The following ANKRD30B variants were observed in gnomAD, a reference collection of about 807,000 sequenced individuals.
The protein encoded by ANKRD30B is ankyrin repeat domain 30B.
ANKRD30B carries 144 observed loss-of-function variants against 202.2 expected under a neutral mutation model. That is an observed-to-expected ratio of 0.71 (90% CI 0.62 to 0.82). The LOEUF (loss-of-function observed/expected upper bound fraction) is 0.82. ANKRD30B is among the 40% of genes least tolerant of loss of function. The probability of loss-of-function intolerance (pLI) is 0.00; values close to 1 mark genes in which losing one functional copy is unlikely to be tolerated. For synonymous variants in ANKRD30B, 508 were observed against 561.3 expected, an observed-to-expected ratio of 0.91 and a Z score of 1.34; for missense variants, 1,487 against 1,669.1, an observed-to-expected ratio of 0.89 and a Z score of 1.90.
rs1912789230 is a variant in ANKRD30B, at chr18:14,748,278, G to A, written c.-142G>A. Reference sequence around the variant, plus strand: ...ATACAGAAATTTCTGCTGGTGTTGGGGCGGGTGCGGGAACTGAAGACGGGC... The same window carrying A: ...ATACAGAAATTTCTGCTGGTGTTGGAGCGGGTGCGGGAACTGAAGACGGGC... On this transcript the variant is annotated 5_prime_UTR_variant, in exon 1 of 44. Transcript: ENST00000690538. 1.6e-6 allele frequency: 1 copy of A among 613,590 alleles called. No individual in the cohort carries two copies. The highest frequency in any genetic ancestry group is 2.9e-5 in the East Asian group (1 of 34,190). 38.0% of individuals were successfully genotyped at this position (613,590 alleles called of 1,614,324 possible).
the ANKRD30B span, among the ~76,000 whole-genome samples, chr18:14,904,130 G>A: frequency 6.6e-6 from 1 of 152,168 alleles, no homozygotes; most frequent in Non-Finnish European, 1.5e-5. Context: ...TGGGCCATGG[G>A]GCATTGACCT....
At position 14,810,015 on chromosome 18, in the gene ANKRD30B, G is replaced by T. The variant is rs1427307103; in HGVS notation, c.2415+1G>T. On this transcript the variant is annotated splice_donor_variant, in intron 27 of 43. Coordinates refer to ENST00000690538, the MANE Select transcript of ANKRD30B (RefSeq NM_001367607.2). LOFTEE classifies it high-confidence loss of function. The stretch of plus-strand genomic sequence containing the variant: ...TCCTGATAAAGATGGTCTTCTGAAG[G>T]TAATAACTTTTATATTTTTATCTTG... The T allele has an allele frequency of 6.3e-6, 9 of 1,427,328 alleles. No homozygotes were observed. Among genetic ancestry groups the T allele is most frequent in the Middle Eastern group, 3.6e-4 (2 of 5,518 alleles). The allele number at this position is 1,427,328 out of a possible 1,614,324, so 88.4% of individuals were successfully genotyped here. A position where few individuals can be genotyped will look rare whatever the true frequency, so the allele number is the denominator to read the frequency against.
intron 9 of ANKRD30B, among the ~76,000 whole-genome samples, chr18:14,773,899 C>T (rs2143812290): frequency 6.6e-6 from 1 of 152,232 alleles, no homozygotes. Flanking sequence ...CATGATCCGC[C>T]CGCCTTGGCC....
the ANKRD30B span, among the ~76,000 whole-genome samples, chr18:14,883,369 GTCTCTCTCTCTCTC>G: frequency 1.2e-5 from 1 of 84,656 alleles, no homozygotes. Flanking sequence ...CTGTCTGTCT[GTCTCTCTCTCTCTC>G]TCTCTCTCTC....
intron 16 of ANKRD30B, among the ~76,000 whole-genome samples, chr18:14,793,285 C>T (rs1158740411): frequency 5.3e-5 from 8 of 151,990 alleles, no homozygotes; most frequent in Non-Finnish European, 1.0e-4. Flanking sequence ...AACTCTCATC[C>T]GAACTGTGTA....
At chr18:14,934,317 G>A in the ANKRD30B span, among the ~76,000 whole-genome samples, 3 of 152,346 alleles carry the variant, frequency 2.0e-5, no homozygotes, top group South Asian at 2.1e-4. Context: ...AGGCAGGCCC[G>A]AGGGGAGCTG....
the ANKRD30B span, among the ~76,000 whole-genome samples, chr18:14,865,795 G>T: frequency 6.6e-6 from 1 of 152,170 alleles, no homozygotes; most frequent in East Asian, 1.9e-4. Flanking sequence ...ACTGCAGGGA[G>T]GCCAGCCATG....
chr18:14,913,096 C>A, the ANKRD30B span, among the ~76,000 whole-genome samples: 1 of 152,270 alleles, frequency 6.6e-6, no homozygotes, highest in Non-Finnish European at 1.5e-5. Context: ...GGCCACATTG[C>A]AGGCTCTTTT....
At position 14,850,137 on chromosome 18, in the gene ANKRD30B, T is replaced by C. The variant is rs1378081980; in HGVS notation, c.3396-77T>C. 17 of 1,022,300 alleles carry C rather than the reference T, an allele frequency of 1.7e-5. No individual in the cohort carries two copies. The Admixed American group carries it at 4.8e-4, about 29-fold the overall frequency. The allele number at this position is 1,022,300 out of a possible 1,614,324, so 63.3% of individuals were successfully genotyped here. ...GAATTTTATTGGAATAATAAACCAG[T>C]ATAGGAAGAAGTAGATCTCAAAGTG... On this transcript the variant is annotated intron_variant, in intron 40 of 43. Transcript: ENST00000690538.
At chr18:14,904,538 T>A in the ANKRD30B span, among the ~76,000 whole-genome samples, 2 of 152,104 alleles carry the variant, frequency 1.3e-5, no homozygotes, top group Non-Finnish European at 2.9e-5. Context: ...TCTTTTTCTA[T>A]TCCTCAACTC....
chr18:14,871,198 T>A, the ANKRD30B span, among the ~76,000 whole-genome samples: 1 of 28,584 alleles, frequency 3.5e-5, no homozygotes, highest in Non-Finnish European at 7.6e-5. Context: ...CACCCTCACC[T>A]GCCTGGTCCT....
chr18:14,826,050 T>TA (rs1970644011), intron 32 of ANKRD30B, among the ~76,000 whole-genome samples: 1 of 151,982 alleles, frequency 6.6e-6, no homozygotes, highest in Non-Finnish European at 1.5e-5. Context: ...TTTCAGTAGG[T>TA]AATTGGTTTA....
rs1567985247 is a variant in ANKRD30B at position 14,762,706 on chromosome 18, A to C, written c.821-980A>C. ...TAACTCTAAACACAAAAAATTATAA[A>C]AAAATTACAAAAACTTTTCACAATA... On this transcript the variant is annotated intron_variant, in intron 6 of 43. Coordinates refer to ENST00000690538, the MANE Select transcript of ANKRD30B (RefSeq NM_001367607.2). 2.6e-5 allele frequency among the ~76,000 whole-genome samples: 4 copies of C among 151,918 alleles called. No individual in the cohort carries two copies. The South Asian group carries it at 6.2e-4, about 24-fold the overall frequency.
chr18:14,806,214 C>T lies in ANKRD30B; in HGVS notation c.2285-2337C>T, dbSNP rs865984164. On this transcript the variant is annotated intron_variant, in intron 24 of 43. Coordinates refer to ENST00000690538, the MANE Select transcript of ANKRD30B (RefSeq NM_001367607.2). ...CAGCCTGGGTGACAGGGCGAGACACCGCCAAAAAAAAAAAAGAAAAAAAAA... is the reference window on the plus strand; with the variant it reads ...CAGCCTGGGTGACAGGGCGAGACACTGCCAAAAAAAAAAAAGAAAAAAAAA... Among the ~76,000 whole-genome samples, 10 of 117,640 alleles carry T rather than the reference C, an allele frequency of 8.5e-5. 1 individual carries two copies. The highest frequency in any genetic ancestry group is 1.6e-4 in the Non-Finnish European group (9 of 55,328). 77.2% of individuals were successfully genotyped at this position (117,640 alleles called of 152,430 possible). A position where few individuals can be genotyped will look rare whatever the true frequency, so the allele number is the denominator to read the frequency against.
the ANKRD30B span, among the ~76,000 whole-genome samples, chr18:14,864,470 C>T: frequency 6.6e-6 from 1 of 151,898 alleles, no homozygotes; most frequent in African/African-American, 2.4e-5. Context: ...GTCTTTGGCT[C>T]CCTCTCTCAC....
At position 14,807,639 on chromosome 18, in the gene ANKRD30B, C is replaced by G. The variant is rs1969603692; in HGVS notation, c.2285-912C>G. ...CTGGGCCTCCTGGGTTCAAGTGATT[C>G]TCACAGCTCCGGCTCCCAAGTAGCT... On this transcript the variant is annotated intron_variant, in intron 24 of 43. Coordinates refer to ENST00000690538, the MANE Select transcript of ANKRD30B (RefSeq NM_001367607.2). 1.3e-5 allele frequency among the ~76,000 whole-genome samples: 2 copies of G among 148,804 alleles called. 1 individual carries two copies. The highest frequency in any genetic ancestry group is 1.3e-4 in the Admixed American group (2 of 15,028).
intron 14 of ANKRD30B, among the ~76,000 whole-genome samples, chr18:14,785,909 G>A (rs1199909169): frequency 6.6e-6 from 1 of 151,974 alleles, no homozygotes; most frequent in African/African-American, 2.4e-5. Context: ...GCGGTGGCGG[G>A]CGCCTGTAGT....
Position 14,769,355 on chromosome 18 carries a change from C to T in ANKRD30B, c.1238C>T (p.Ser413Phe). ...TKASTNVDVSSVEPIFSLFGT... is the reference protein window; with the variant it reads ...TKASTNVDVSFVEPIFSLFGT... ...TTTTCTTTAATAGTGGATGTGAGTT[C>T]TGTAGAGCCTATATTCAGGTAAGAC... The change falls in exon 8 of 44, where the codon TCT becomes TTT. Residue 413 changes from serine to phenylalanine, a missense_variant. This residue lies in a region of ANKRD30B where 889 missense variants were observed against 841.4 expected (regional missense o/e 1.06). Coordinates refer to ENST00000690538, the MANE Select transcript of ANKRD30B (RefSeq NM_001367607.2). 1 of 1,543,418 alleles carries T rather than the reference C, an allele frequency of 6.5e-7. No individual in the cohort carries two copies. Among genetic ancestry groups the T allele is most frequent in the Non-Finnish European group, 8.8e-7 (1 of 1,142,750 alleles).
the ANKRD30B span, among the ~76,000 whole-genome samples, chr18:14,931,274 G>A: frequency 1.3e-5 from 2 of 152,178 alleles, no homozygotes; most frequent in East Asian, 3.8e-4. Flanking sequence ...TGAGGCAGAA[G>A]TGTCCTAGAG....
Sources: gnomAD v4.1 joint callset for allele counts (sites outside exome capture counted in the v4.1 genomes callset) on GRCh38, gnomAD v4.1.1 for gene constraint, gnomAD v4.1.1 regional missense constraint, MANE v1.5 for transcripts, NCBI Gene and HGNC (gene_info 2026-07-23, HGNC 2026-07-21) for gene names.